Variants in CNOT6 observed in about 807,000 individuals in gnomAD.
CNOT6 encodes CCR4-NOT transcription complex subunit 6.
A neutral mutation model predicts 61.2 loss-of-function variants in CNOT6; 12 were observed. That is an observed-to-expected ratio of 0.20 (90% CI 0.13 to 0.32). The LOEUF (loss-of-function observed/expected upper bound fraction) is 0.32, where lower values mean the gene tolerates loss of function less well. CNOT6 is among the 10% of genes least tolerant of loss of function. CNOT6 has a pLI of 1.00. For synonymous variants in CNOT6, 225 were observed against 240.6 expected, an observed-to-expected ratio of 0.94 and a Z score of 0.60; for missense variants, 405 against 663.9, an observed-to-expected ratio of 0.61 and a Z score of 4.28.
intron 9 of CNOT6, among the ~76,000 whole-genome samples, 156 bp downstream of exon 9, chr5:180,568,159 C>G (rs1760556683): frequency 2.6e-5 from 4 of 151,756 alleles, no homozygotes; most frequent in South Asian, 2.1e-4. Flanking sequence ...CTCTTTTTCT[C>G]TACCACAAAG....
At chr5:180,517,921 C>G (rs756717970) in intron 1 of CNOT6, among the ~76,000 whole-genome samples, 6 of 152,306 alleles carry the variant, frequency 3.9e-5, no homozygotes, top group African/African-American at 1.4e-4. Flanking sequence ...TTAAATCTTT[C>G]TTTTTAGTTA....
rs530032774 is a variant in CNOT6, at chr5:180,559,394, G to A, written c.386-5095G>A. ...CTCTGGCAATTTTATTTCCTCTGAT[G>A]TCCACTTTATCTGATATTAATATAA... On this transcript the variant is annotated intron_variant, in intron 4 of 11. Coordinates refer to ENST00000261951, the MANE Select transcript of CNOT6 (RefSeq NM_001370472.1). Among the ~76,000 whole-genome samples the A allele has an allele frequency of 2.0e-5, 3 of 152,174 alleles. No individual in the cohort carries two copies. The East Asian group carries it at 5.8e-4, about 29-fold the overall frequency.
At chr5:180,530,720 C>T (rs1350707355) in intron 2 of CNOT6, among the ~76,000 whole-genome samples, 1 of 152,210 alleles carries the variant, frequency 6.6e-6, no homozygotes, top group African/African-American at 2.4e-5. Flanking sequence ...TGCGGCCTTC[C>T]GCAGTGTTTG....
At chr5:180,538,034 C>CTTT (rs57646217) in intron 2 of CNOT6, among the ~76,000 whole-genome samples, 36 of 74,350 alleles carry the variant, frequency 4.8e-4, no homozygotes, top group African/African-American at 9.8e-4. Flanking sequence ...GGAACATCAT[C>CTTT]TTTTTTTTTT....
chr5:180,559,055 G>T (rs920856223), intron 4 of CNOT6, among the ~76,000 whole-genome samples: 10 of 152,152 alleles, frequency 6.6e-5, no homozygotes, highest in African/African-American at 2.2e-4. Context: ...GTCCATCCTG[G>T]CATATGTTTC....
At chr5:180,502,310 A>T (rs993537822) in intron 1 of CNOT6, among the ~76,000 whole-genome samples, 1 of 152,208 alleles carries the variant, frequency 6.6e-6, no homozygotes, top group African/African-American at 2.4e-5. Flanking sequence ...CTCATTAGCG[A>T]TAGAGATTAT....
At chr5:180,531,824 A>G (rs368153836) in intron 2 of CNOT6, among the ~76,000 whole-genome samples, 17 of 152,314 alleles carry the variant, frequency 1.1e-4, no homozygotes, top group Admixed American at 9.8e-4. Context: ...CTCCACCAAA[A>G]AATGCAAGAA....
intron 1 of CNOT6, among the ~76,000 whole-genome samples, chr5:180,496,184 T>C (rs1756606040): frequency 6.6e-6 from 1 of 152,244 alleles, no homozygotes; most frequent in Admixed American, 6.5e-5. Flanking sequence ...ATTACAGGCA[T>C]GAGCCAACAT....
At chr5:180,513,501 A>G (rs549737077) in intron 1 of CNOT6, among the ~76,000 whole-genome samples, 98 of 150,786 alleles carry the variant, frequency 6.5e-4, no homozygotes, top group Non-Finnish European at 9.9e-4. Context: ...CTACTCTTAG[A>G]GTAGCTGGGA....
chr5:180,513,349 C>G (rs1158083564), intron 1 of CNOT6, among the ~76,000 whole-genome samples: 1 of 152,002 alleles, frequency 6.6e-6, no homozygotes, highest in African/African-American at 2.4e-5. Context: ...GCCACCACAC[C>G]TGACTGATTT....
At chr5:180,567,793 T>C in intron 8 of CNOT6, 56 bp from the exon 9 acceptor site, 2 of 1,612,718 alleles carry the variant, frequency 1.2e-6, no homozygotes, top group Non-Finnish European at 1.7e-6. Flanking sequence ...CCCACAAAGC[T>C]AACCTCTTGG....
At chr5:180,552,255 C>T (rs532750744) in intron 3 of CNOT6, among the ~76,000 whole-genome samples, 1 of 152,178 alleles carries the variant, frequency 6.6e-6, no homozygotes, top group African/African-American at 2.4e-5. Context: ...GAGTTTACAG[C>T]CACACAGACC....
chr5:180,501,798 G>A (rs2127691267), intron 1 of CNOT6, among the ~76,000 whole-genome samples: 2 of 152,260 alleles, frequency 1.3e-5, no homozygotes, highest in South Asian at 4.1e-4. Flanking sequence ...AGAGAGTAAC[G>A]CTACAGATGC....
intron 10 of CNOT6, among the ~76,000 whole-genome samples, chr5:180,569,591 A>G (rs1760643606): frequency 6.6e-6 from 1 of 152,204 alleles, no homozygotes; most frequent in South Asian, 2.1e-4. Flanking sequence ...ATAACTCTTT[A>G]AAGAACGTAT....
chr5:180,499,942 C>A (rs1756790538), intron 1 of CNOT6, among the ~76,000 whole-genome samples: 1 of 152,086 alleles, frequency 6.6e-6, no homozygotes. Context: ...TCATGTATTT[C>A]TACACAGTTC....
chr5:180,505,289 T>C (rs1484080882), intron 1 of CNOT6, among the ~76,000 whole-genome samples: 1 of 98,098 alleles, frequency 1.0e-5, no homozygotes, highest in Non-Finnish European at 1.9e-5. Flanking sequence ...GGAGTCTGGC[T>C]CTGTCGCCCA....
intron 3 of CNOT6, among the ~76,000 whole-genome samples, chr5:180,553,080 G>T (rs1294536439): frequency 6.6e-6 from 1 of 152,216 alleles, no homozygotes; most frequent in African/African-American, 2.4e-5. Flanking sequence ...CCAGTCTGCA[G>T]TGAGATTAAT....
chr5:180,515,555 A>G (rs996343277), intron 1 of CNOT6, among the ~76,000 whole-genome samples: 4 of 152,216 alleles, frequency 2.6e-5, no homozygotes, highest in Non-Finnish European at 5.9e-5. Context: ...GAGCAGGTGC[A>G]TATGAGGAAG....
At chr5:180,557,281 T>G (rs553513573) in intron 4 of CNOT6, among the ~76,000 whole-genome samples, 7 of 152,306 alleles carry the variant, frequency 4.6e-5, no homozygotes, top group African/African-American at 1.7e-4. Flanking sequence ...AGTTACTGGG[T>G]CATTTGAGGG....
Sources: allele counts gnomAD v4.1 joint callset (sites outside exome capture counted in the v4.1 genomes callset), GRCh38; gene constraint gnomAD v4.1.1; transcripts MANE v1.5; gene names NCBI Gene and HGNC (gene_info 2026-07-23, HGNC 2026-07-21).